Variants in PDE1C observed in about 807,000 individuals in gnomAD.
PDE1C encodes phosphodiesterase 1C.
Under a neutral mutation model 93.1 loss-of-function variants are expected in PDE1C, and 62 were observed. The ratio of observed to expected loss-of-function variants is 0.67; its 90% CI spans 0.54 to 0.82. The LOEUF (loss-of-function observed/expected upper bound fraction) is 0.82, where lower values mean the gene tolerates loss of function less well. PDE1C is among the 40% of genes least tolerant of loss of function. The pLI is 0.00. For synonymous variants in PDE1C, 325 were observed against 310.1 expected, an observed-to-expected ratio of 1.05 and a Z score of -0.50; for missense variants, 742 against 884.6, an observed-to-expected ratio of 0.84 and a Z score of 2.04.
chr7:32,387,514 C>CCG, intron 1 of PDE1C, among the ~76,000 whole-genome samples: 1 of 147,394 alleles, frequency 6.8e-6, no homozygotes, highest in African/African-American at 2.5e-5. Flanking sequence ...CTGACCCCCC[C>CCG]ACCTCCCTCC....
intron 7 of PDE1C, among the ~76,000 whole-genome samples, chr7:31,851,101 T>TA (rs11389801): frequency 0.96 from 144,802 of 150,314 alleles, 69,767 homozygotes; most frequent in East Asian, 0.99. Context: ...CACACACACA[T>TA]AAAAAAATTA....
intron 2 of PDE1C, among the ~76,000 whole-genome samples, chr7:32,019,124 GC>G (rs1432920285): frequency 6.7e-6 from 1 of 148,620 alleles, no homozygotes; most frequent in Non-Finnish European, 1.5e-5. Flanking sequence ...GAGTAGAGGG[GC>G]ACCACAAGAC....
At chr7:31,805,406 A>T (rs377000089) in intron 16 of PDE1C, among the ~76,000 whole-genome samples, 1 of 152,042 alleles carries the variant, frequency 6.6e-6, no homozygotes, top group East Asian at 2.0e-4. Context: ...TGAAACTGAC[A>T]ATAAGGGAGT....
intron 2 of PDE1C, among the ~76,000 whole-genome samples, chr7:31,964,185 G>C (rs1202344424): frequency 1.3e-5 from 2 of 152,234 alleles, no homozygotes; most frequent in Non-Finnish European, 2.9e-5. Flanking sequence ...AGTGCAAGTG[G>C]TCAAGGAATT....
chr7:31,759,519 G>T (rs1170055302), intron 17 of PDE1C, among the ~76,000 whole-genome samples: 1 of 152,120 alleles, frequency 6.6e-6, no homozygotes, highest in Admixed American at 6.6e-5. Flanking sequence ...CTTTAAAAAA[G>T]TCTGGCCTCA....
intron 17 of PDE1C, among the ~76,000 whole-genome samples, chr7:31,774,630 T>C (rs1198593172): frequency 1.1e-4 from 17 of 152,200 alleles, no homozygotes; most frequent in African/African-American, 4.8e-5. Flanking sequence ...AAATTATCAA[T>C]AGACATATAA....
intron 2 of PDE1C, among the ~76,000 whole-genome samples, chr7:32,005,696 T>TAGAAGG (rs1316375194): frequency 6.6e-6 from 1 of 151,220 alleles, no homozygotes; most frequent in Non-Finnish European, 1.5e-5. Flanking sequence ...CCAATCACAC[T>TAGAAGG]AGAAGGAACC....
intron 1 of PDE1C, among the ~76,000 whole-genome samples, chr7:32,381,821 A>ACCACTACCCC (rs918978437): frequency 6.6e-6 from 1 of 151,354 alleles, no homozygotes; most frequent in Non-Finnish European, 1.5e-5. Context: ...ACCACTACCC[A>ACCACTACCCC]CCACTACCCC....
intron 2 of PDE1C, among the ~76,000 whole-genome samples, chr7:32,041,912 AC>A (rs568968993): frequency 2.6e-5 from 4 of 152,162 alleles, no homozygotes; most frequent in Non-Finnish European, 4.4e-5. Context: ...GAAATGAACT[AC>A]CAAAGGCAGA....
At chr7:32,304,603 C>T (rs1437240125) in intron 1 of PDE1C, among the ~76,000 whole-genome samples, 2 of 151,954 alleles carry the variant, frequency 1.3e-5, no homozygotes, top group Admixed American at 6.6e-5. Flanking sequence ...CCTCAAAACA[C>T]GGCTCCACGG....
At chr7:31,790,195 T>C in intron 16 of PDE1C, 1 of 1,610,960 alleles carries the variant, frequency 6.2e-7, no homozygotes, top group Non-Finnish European at 8.5e-7. Context: ...GAAGCTCAGC[T>C]AGAATGATGC....
chr7:31,695,793 T>G, the PDE1C span, among the ~76,000 whole-genome samples: 1 of 151,620 alleles, frequency 6.6e-6, no homozygotes, highest in African/African-American at 2.4e-5. Context: ...AACAGATACA[T>G]TCTAAAATAT....
At chr7:32,355,800 G>A (rs1226233330) in intron 1 of PDE1C, among the ~76,000 whole-genome samples, 1 of 152,176 alleles carries the variant, frequency 6.6e-6, no homozygotes. Context: ...TCAACAAATG[G>A]CGACTGAATG....
chr7:32,031,630 C>A (rs965232851), intron 2 of PDE1C, among the ~76,000 whole-genome samples: 1 of 152,110 alleles, frequency 6.6e-6, no homozygotes, highest in Non-Finnish European at 1.5e-5. Flanking sequence ...GGATCAGAAC[C>A]CAAGGTTCCT....
intron 2 of PDE1C, among the ~76,000 whole-genome samples, chr7:31,999,473 A>G (rs1421127246): frequency 6.6e-6 from 1 of 152,196 alleles, no homozygotes; most frequent in Non-Finnish European, 1.5e-5. Flanking sequence ...CATGCTCAGT[A>G]GAGCCCAACA....
chr7:32,426,274 CTTT>C (rs11332404), intron 1 of PDE1C, among the ~76,000 whole-genome samples: 198 of 138,724 alleles, frequency 1.4e-3, no homozygotes, highest in East Asian at 2.3e-3. Context: ...TATATTTGTA[CTTT>C]TTTTTTTTTT....
At chr7:31,980,655 A>C (rs530287733) in intron 2 of PDE1C, among the ~76,000 whole-genome samples, 1 of 152,284 alleles carries the variant, frequency 6.6e-6, no homozygotes, top group South Asian at 2.1e-4. Context: ...GCTTAAAACA[A>C]CACAAATTTC....
intron 2 of PDE1C, among the ~76,000 whole-genome samples, chr7:32,006,454 T>C (rs1786266645): frequency 6.6e-6 from 1 of 152,182 alleles, no homozygotes; most frequent in Admixed American, 6.5e-5. Context: ...GTGGTGAATG[T>C]TCACAGGGGA....
chr7:31,782,412 T>C (rs913077272), intron 16 of PDE1C, among the ~76,000 whole-genome samples: 3 of 152,216 alleles, frequency 2.0e-5, no homozygotes, highest in Non-Finnish European at 4.4e-5. Flanking sequence ...GTCGATACTT[T>C]CCAAATTGAG....
Sources: allele counts gnomAD v4.1 joint callset (sites outside exome capture counted in the v4.1 genomes callset), GRCh38; gene constraint gnomAD v4.1.1; transcripts MANE v1.5; gene names NCBI Gene and HGNC (gene_info 2026-07-23, HGNC 2026-07-21).